Variants in PPFIA2 observed in about 807,000 individuals in gnomAD.
PPFIA2 encodes the protein PPFI scaffold protein A2, also known as liprin-alpha-2.
Under a neutral mutation model 175.5 loss-of-function variants are expected in PPFIA2, and 46 were observed. That is an observed-to-expected ratio of 0.26 (90% CI 0.21 to 0.34). The LOEUF is 0.34. PPFIA2 is among the 10% of genes least tolerant of loss of function. The pLI, the probability that PPFIA2 is intolerant of heterozygous loss-of-function variation, is 1.00. For missense variants in PPFIA2, 1,179 were observed against 1,506.1 expected, an observed-to-expected ratio of 0.78 and a Z score of 3.60; for synonymous variants, 568 against 511.4, an observed-to-expected ratio of 1.11 and a Z score of -1.49.
intron 5 of PPFIA2, among the ~76,000 whole-genome samples, chr12:81,448,565 G>A (rs2051777866): frequency 1.3e-5 from 2 of 152,206 alleles, no homozygotes; most frequent in South Asian, 2.1e-4. Context: ...ACATCCCAAA[G>A]GGATCTAAAT....
rs971300497 is a variant in PPFIA2 at position 81,258,215 on chromosome 12, A to G, written c.*1479T>C. The G allele has an allele frequency of 6.6e-6, 1 of 152,172 alleles. No individual in the cohort carries two copies. The highest frequency in any genetic ancestry group is 2.4e-5 in the African/African-American group (1 of 41,454). 9.4% of individuals were successfully genotyped at this position (152,172 alleles called of 1,614,324 possible). A position where few individuals can be genotyped will look rare whatever the true frequency, so the allele number is the denominator to read the frequency against. On this transcript the variant is annotated 3_prime_UTR_variant, in exon 33 of 33. Coordinates refer to ENST00000549396, the MANE Select transcript of PPFIA2 (RefSeq NM_003625.5). Reference sequence around the variant, plus strand: ...AAAGAACACATTTCCTGATAGTTTAAGTAAATTGTCGAGCCTTATGTGACT... The same window carrying G: ...AAAGAACACATTTCCTGATAGTTTAGGTAAATTGTCGAGCCTTATGTGACT...
chr12:81,667,525 G>A (rs1034319447), intron 4 of PPFIA2, among the ~76,000 whole-genome samples: 6 of 151,932 alleles, frequency 3.9e-5, no homozygotes, highest in Non-Finnish European at 7.4e-5. Flanking sequence ...ACTAAAAATG[G>A]CATGGTCTTT....
At chr12:81,420,895 A>G (rs1033873212) in intron 7 of PPFIA2, among the ~76,000 whole-genome samples, 2 of 152,088 alleles carry the variant, frequency 1.3e-5, no homozygotes. Context: ...AAAGTCAAGG[A>G]CAAAGAGATT....
intron 30 of PPFIA2, among the ~76,000 whole-genome samples, chr12:81,263,886 A>T (rs2036424916): frequency 1.3e-5 from 2 of 152,158 alleles, no homozygotes; most frequent in African/African-American, 2.4e-5. Flanking sequence ...GAGACACTGT[A>T]GCCTATTATA....
chr12:81,362,834 A>G, intron 14 of PPFIA2, 50 bp from the exon 15 acceptor site: 1 of 1,069,464 alleles, frequency 9.4e-7, no homozygotes, highest in Non-Finnish European at 1.4e-6. Context: ...TCAGCAAGCA[A>G]TTATGATAAA....
At chr12:81,643,423 G>A (rs1448657737) in intron 4 of PPFIA2, among the ~76,000 whole-genome samples, 2 of 151,884 alleles carry the variant, frequency 1.3e-5, no homozygotes, top group African/African-American at 4.8e-5. Context: ...ACAGCTTCTA[G>A]TTCTTTAGAC....
intron 17 of PPFIA2, among the ~76,000 whole-genome samples, chr12:81,351,231 A>C (rs1394476634): frequency 6.6e-6 from 1 of 152,150 alleles, no homozygotes; most frequent in African/African-American, 2.4e-5. Flanking sequence ...GAAATAGTTC[A>C]TATCACCATA....
intron 7 of PPFIA2, chr12:81,429,853 G>A (rs1051360860): frequency 6.6e-6 from 1 of 151,900 alleles, no homozygotes; most frequent in Non-Finnish European, 1.5e-5. Flanking sequence ...AATTTGCTGG[G>A]GTAACTTAAT....
rs577632788 is a variant in PPFIA2, at chr12:81,278,329, T to A, written c.3213-915A>T. ...AGGCTGAGGTGGGTGGATCACGTGG[T>A]CAGGAGTTCGAGACCAGCTTGGTCA... On this transcript the variant is annotated intron_variant, in intron 27 of 32. Coordinates refer to ENST00000549396, the MANE Select transcript of PPFIA2 (RefSeq NM_003625.5). Among the ~76,000 whole-genome samples the A allele has an allele frequency of 7.9e-4, 120 of 152,100 alleles. 1 individual carries two copies. The highest frequency in any genetic ancestry group is 5.6e-3 in the South Asian group (27 of 4,816).
At chr12:81,725,937 C>T (rs2080017066) in intron 3 of PPFIA2, among the ~76,000 whole-genome samples, 1 of 150,924 alleles carries the variant, frequency 6.6e-6, no homozygotes, top group South Asian at 2.1e-4. Flanking sequence ...ACTCTATACC[C>T]TAATCATATT....
intron 7 of PPFIA2, among the ~76,000 whole-genome samples, chr12:81,434,264 A>G (rs920575866): frequency 6.6e-6 from 1 of 152,056 alleles, no homozygotes; most frequent in Non-Finnish European, 1.5e-5. Flanking sequence ...AGCATAATAG[A>G]TCATTATGTT....
intron 20 of PPFIA2, among the ~76,000 whole-genome samples, chr12:81,340,067 A>T (rs1371640569): frequency 6.6e-6 from 1 of 152,134 alleles, no homozygotes; most frequent in Non-Finnish European, 1.5e-5. Context: ...ATTTTATAAC[A>T]CCATGATAAA....
chr12:81,357,978 TA>T, intron 16 of PPFIA2, 103 bp downstream of exon 16: 1 of 1,188,338 alleles, frequency 8.4e-7, no homozygotes. Flanking sequence ...TTCAAATTAA[TA>T]AAAATGCTAG....
In PPFIA2 at chr12:81,452,078, C is replaced by T. The variant is rs370382010; in HGVS notation, c.405+5687G>A. ...TGACCACAGGTTCTATGTGTATACA[C>T]ACATATGTATCATATATTCACACAC... is the stretch of plus-strand genomic sequence containing the variant. On this transcript the variant is annotated intron_variant, in intron 5 of 32. Transcript: ENST00000549396. Among the ~76,000 whole-genome samples the T allele has an allele frequency of 5.3e-5, 8 of 152,164 alleles. No individual in the cohort carries two copies. In the East Asian group the frequency reaches 5.8e-4, roughly 11 times the overall value.
At chr12:81,688,413 A>T (rs2074737617) in intron 3 of PPFIA2, among the ~76,000 whole-genome samples, 1 of 151,932 alleles carries the variant, frequency 6.6e-6, no homozygotes, top group Admixed American at 6.6e-5. Context: ...CTTTTGTTTG[A>T]TGGATCGGAG....
At chr12:81,658,260 CT>C (rs2068102799) in intron 4 of PPFIA2, among the ~76,000 whole-genome samples, 1 of 121,402 alleles carries the variant, frequency 8.2e-6, no homozygotes, top group Non-Finnish European at 1.7e-5. Context: ...AAGAGCAAAA[CT>C]CCATCTCAAA....
chr12:81,328,197 T>C (rs1372514591), intron 21 of PPFIA2, among the ~76,000 whole-genome samples: 2 of 152,216 alleles, frequency 1.3e-5, no homozygotes, highest in Non-Finnish European at 2.9e-5. Context: ...ACCAGCTTAC[T>C]AATTATTTTA....
chr12:81,274,035 A>G (rs1324604606), intron 28 of PPFIA2, among the ~76,000 whole-genome samples: 1 of 152,090 alleles, frequency 6.6e-6, no homozygotes, highest in Non-Finnish European at 1.5e-5. Flanking sequence ...TATTCCATTG[A>G]GGTTTTCAGA....
chr12:81,606,367 CTGTTT>C (rs1434285006), intron 4 of PPFIA2, among the ~76,000 whole-genome samples: 3 of 152,098 alleles, frequency 2.0e-5, no homozygotes. Flanking sequence ...AATTGTAGCT[CTGTTT>C]TAAGTTATTT....
Sources: allele counts gnomAD v4.1 joint callset (sites outside exome capture counted in the v4.1 genomes callset), GRCh38; gene constraint gnomAD v4.1.1; transcripts MANE v1.5; gene names NCBI Gene and HGNC (gene_info 2026-07-23, HGNC 2026-07-21).